The following NUP93 variants were observed in gnomAD, a reference collection of about 807,000 sequenced individuals.
NUP93 encodes the protein nucleoporin 93, also known as nuclear pore complex protein Nup93.
NUP93 carries 55 observed loss-of-function variants against 107.8 expected under a neutral mutation model. That is an observed-to-expected ratio of 0.51 (90% confidence interval 0.41 to 0.64). NUP93 has a LOEUF of 0.64. NUP93 is among the 30% of genes least tolerant of loss of function. The probability of loss-of-function intolerance (pLI) is 0.00; values close to 1 mark genes in which losing one functional copy is unlikely to be tolerated. For missense variants in NUP93, 937 were observed against 1,044.7 expected (o/e 0.90, Z 1.42); for synonymous variants, 390 against 397.5 (o/e 0.98, Z 0.22).
rs141987795 is a variant in NUP93 at position 56,758,212 on chromosome 16, T to C, written c.180-326T>C. On this transcript the variant is annotated intron_variant, in intron 2 of 21. Transcript: ENST00000308159. ...TCATCCATAAAATGGGGATGAATGA[T>C]AGCATGCACCTCATGGGTTTCTTTA... Among the ~76,000 whole-genome samples the C allele has an allele frequency of 4.4e-3, 674 of 152,298 alleles. 2 individuals carry two copies. Among genetic ancestry groups the C allele is most frequent in the Non-Finnish European group, 6.9e-3 (467 of 68,020 alleles).
intron 1 of NUP93, among the ~76,000 whole-genome samples, chr16:56,743,916 G>A (rs1961779343): frequency 6.6e-6 from 1 of 152,176 alleles, no homozygotes; most frequent in Non-Finnish European, 1.5e-5. Context: ...TGTTGCCCAA[G>A]GCCCTGATAC....
Position 56,846,340 on chromosome 16 carries a change from G to C in NUP93, c.*1731G>C, listed in dbSNP as rs866553761. On this transcript the variant is annotated 3_prime_UTR_variant, in exon 22 of 22. Transcript: ENST00000308159. ...ACAGAATTGCTTGAACCCGGGAGGC[G>C]AAGGTTGCAGTGATCTGAGATCATG... The C allele has an allele frequency of 6.6e-6, 1 of 151,976 alleles. No homozygotes were observed. The highest frequency in any genetic ancestry group is 1.9e-4 in the East Asian group (1 of 5,176). 9.4% of individuals were successfully genotyped at this position (151,976 alleles called of 1,614,324 possible). A position where few individuals can be genotyped will look rare whatever the true frequency, so the allele number is the denominator to read the frequency against.
At chr16:56,784,266 T>A (rs1416232573) in intron 3 of NUP93, among the ~76,000 whole-genome samples, 1 of 152,216 alleles carries the variant, frequency 6.6e-6, no homozygotes, top group Non-Finnish European at 1.5e-5. Flanking sequence ...ATGGCTGGAT[T>A]TTAATTTTAG....
At chr16:56,808,682 CAT>C (rs1273957036) in intron 5 of NUP93, among the ~76,000 whole-genome samples, 1 of 127,694 alleles carries the variant, frequency 7.8e-6, no homozygotes, top group Non-Finnish European at 1.6e-5. Flanking sequence ...ATATAAAATA[CAT>C]ATATTTATAA....
At chr16:56,791,653 T>C (rs1296209804) in intron 3 of NUP93, among the ~76,000 whole-genome samples, 1 of 152,238 alleles carries the variant, frequency 6.6e-6, no homozygotes. Flanking sequence ...ACCTGAGCCA[T>C]TTAAGATCCA....
intron 6 of NUP93, among the ~76,000 whole-genome samples, chr16:56,821,118 C>T (rs1288696269): frequency 1.3e-5 from 2 of 152,182 alleles, no homozygotes; most frequent in Non-Finnish European, 2.9e-5. Flanking sequence ...CATCCATGAA[C>T]CCTATACCAG....
chr16:56,783,684 A>T, intron 3 of NUP93: 1 of 985,414 alleles, frequency 1.0e-6, no homozygotes, highest in Non-Finnish European at 1.2e-6. Context: ...TTTAACAATT[A>T]GCTGTATCAT....
chr16:56,809,339 T>G (rs1963261971), intron 5 of NUP93, among the ~76,000 whole-genome samples: 1 of 152,142 alleles, frequency 6.6e-6, no homozygotes, highest in African/African-American at 2.4e-5. Flanking sequence ...CTTTACTGAT[T>G]GAAGTGAGAT....
chr16:56,784,303 T>C (rs1039580314), intron 3 of NUP93, among the ~76,000 whole-genome samples: 1 of 152,220 alleles, frequency 6.6e-6, no homozygotes, highest in South Asian at 2.1e-4. Context: ...TTGTTTTTAA[T>C]GAAAATGCTT....
intron 1 of NUP93, among the ~76,000 whole-genome samples, chr16:56,741,377 C>T (rs1961737004): frequency 6.6e-6 from 1 of 152,092 alleles, no homozygotes; most frequent in African/African-American, 2.4e-5. Flanking sequence ...TAGGAATTAC[C>T]ATTTTTGATT....
chr16:56,841,525 T>C (rs1964024764), intron 20 of NUP93, 180 bp from the exon 21 acceptor site: 1 of 677,372 alleles, frequency 1.5e-6, no homozygotes, highest in Non-Finnish European at 2.5e-6. Flanking sequence ...CTTGGGTTTT[T>C]TTCTCACACT....
intron 1 of NUP93, among the ~76,000 whole-genome samples, chr16:56,743,282 T>C (rs1460600262): frequency 3.3e-5 from 5 of 152,240 alleles, no homozygotes; most frequent in African/African-American, 9.6e-5. Flanking sequence ...TCTTTCCACC[T>C]CATTTATGAA....
rs986318658 is a variant in NUP93, at chr16:56,805,398, A to G, written c.361-106A>G. ...AAAGTAGATTGCTTTTTCTCTACCT[A>G]TGGAGAAGTGGTTGGTCTGGAGGGC... On this transcript the variant is annotated intron_variant, in intron 4 of 21. Coordinates refer to ENST00000308159, the MANE Select transcript of NUP93 (RefSeq NM_014669.5). The G allele has an allele frequency of 4.7e-5, 57 of 1,216,454 alleles. No homozygotes were observed. In the African/African-American group the frequency reaches 4.7e-4, roughly 10 times the overall value. The allele number at this position is 1,216,454 out of a possible 1,614,324, so 75.4% of individuals were successfully genotyped here. A position where few individuals can be genotyped will look rare whatever the true frequency, so the allele number is the denominator to read the frequency against.
At chr16:56,794,895 T>C (rs1596808878) in intron 3 of NUP93, among the ~76,000 whole-genome samples, 1 of 118,002 alleles carries the variant, frequency 8.5e-6, no homozygotes, top group Non-Finnish European at 1.6e-5. Flanking sequence ...GCCATTGCCC[T>C]CCAGCCTGGG....
rs765489399 is a variant in NUP93, at chr16:56,832,384, C to A, written c.1341C>A (p.Asp447Glu). 1 of 1,612,152 alleles carries A rather than the reference C, an allele frequency of 6.2e-7. No homozygotes were observed. The highest frequency in any genetic ancestry group is 1.1e-5 in the South Asian group (1 of 91,030). The stretch of plus-strand genomic sequence containing the variant: ...AGTTCCAGAAGCAGTTGTTGGAAGA[C>A]TATGGTAAGATTCTGGACATAACCA... ...LSQFQKQLLE[D>E]YGESHFTVNQ... The change falls in exon 12 of 22, where the codon GAC (aspartate) becomes GAA (glutamate). Residue 447 changes from aspartate (D) to glutamate (E), a missense_variant. Transcript: ENST00000308159.
intron 3 of NUP93, among the ~76,000 whole-genome samples, chr16:56,760,624 G>T (rs1962107509): frequency 6.6e-6 from 1 of 152,146 alleles, no homozygotes; most frequent in Non-Finnish European, 1.5e-5. Flanking sequence ...AGAACTCACT[G>T]TCATGAGGAC....
At chr16:56,796,969 T>G (rs748188066) in intron 3 of NUP93, among the ~76,000 whole-genome samples, 5 of 141,884 alleles carry the variant, frequency 3.5e-5, no homozygotes, top group Admixed American at 1.4e-4. Context: ...AGACTCCATC[T>G]CAAAAAAAAA....
intron 1 of NUP93, among the ~76,000 whole-genome samples, chr16:56,736,289 C>T (rs1318505241): frequency 6.6e-6 from 1 of 152,144 alleles, no homozygotes; most frequent in Admixed American, 6.5e-5. Context: ...GCTGAGATCA[C>T]GCTATTGCAC....
rs1168617031 is a variant in NUP93, at chr16:56,799,097, G to C, written c.360+559G>C. Among the ~76,000 whole-genome samples the C allele has an allele frequency of 9.9e-5, 15 of 152,100 alleles. 1 individual carries two copies. The highest frequency in any genetic ancestry group is 5.9e-5 in the Non-Finnish European group (4 of 68,010). ...TAACTATTAAATTAATCTTGAAATG[G>C]AAAGACCAGAAAATTAGTGGTTTCA... is the stretch of plus-strand genomic sequence containing the variant. On this transcript the variant is annotated intron_variant, in intron 4 of 21. Coordinates refer to ENST00000308159, the MANE Select transcript of NUP93 (RefSeq NM_014669.5).
Sources: gnomAD v4.1 joint callset for allele counts (sites outside exome capture counted in the v4.1 genomes callset) on GRCh38, gnomAD v4.1.1 for gene constraint, MANE v1.5 for transcripts, NCBI Gene and HGNC (gene_info 2026-07-23, HGNC 2026-07-21) for gene names.